PLEKHG2: variants seen among roughly 807,000 people sequenced by gnomAD.
PLEKHG2 encodes pleckstrin homology domain-containing family G member 2.
Under a neutral mutation model 104.4 loss-of-function variants are expected in PLEKHG2, and 71 were observed. That is an observed-to-expected ratio of 0.68 (90% CI 0.56 to 0.83). The LOEUF (loss-of-function observed/expected upper bound fraction) is 0.83, where lower values mean the gene tolerates loss of function less well. Ranked by LOEUF, PLEKHG2 falls within the 40% of genes least tolerant of loss-of-function variation. The probability of loss-of-function intolerance (pLI) is 0.00; values close to 1 mark genes in which losing one functional copy is unlikely to be tolerated. For synonymous variants in PLEKHG2, 728 were observed against 737.0 expected, an observed-to-expected ratio of 0.99 and a Z score of 0.20; for missense variants, 1,730 against 1,809.4, an observed-to-expected ratio of 0.96 and a Z score of 0.80.
chr19:39,416,612 C>T lies in PLEKHG2; in HGVS notation c.593+15C>T. ...AACTACCCGAGGTGAGGGGCAGGAG[C>T]CCCTGCTGGGCCTCAGGCTGTGCCC... is the stretch of plus-strand genomic sequence containing the variant. On this transcript the variant is annotated intron_variant, in intron 6 of 18. Coordinates refer to ENST00000425673, the MANE Select transcript of PLEKHG2 (RefSeq NM_022835.3). The surrounding 1 kb of genome is among the most constrained non-coding windows in gnomAD (Gnocchi z 4.5). The T allele has an allele frequency of 6.2e-7, 1 of 1,613,552 alleles. No homozygotes were observed. The highest frequency in any genetic ancestry group is 2.2e-5 in the East Asian group (1 of 44,878).
chr19:39,414,005 A>C (rs1242836326), intron 1 of PLEKHG2, 60 bp from the exon 2 acceptor site: 3 of 1,187,332 alleles, frequency 2.5e-6, no homozygotes, highest in Non-Finnish European at 3.6e-6. Context: ...CCCATCTGTG[A>C]GTCTGGGCGG....
chr19:39,423,535 G>A lies in PLEKHG2; in HGVS notation c.2481G>A (p.Arg827=). Reference sequence around the variant, plus strand: ...AGCTGGCCCGGCTTTACAGCGAGCGGATCCAGCAGATGCAGCGGGCGGAGA... The same window carrying A: ...AGCTGGCCCGGCTTTACAGCGAGCGAATCCAGCAGATGCAGCGGGCGGAGA... ...VRELARLYSE[R]IQQMQRAETR... is the part of the protein sequence containing the mutation. The change falls in exon 18 of 19, where the codon CGG becomes CGA. Residue 827 remains arginine (R), a synonymous_variant. Coordinates refer to ENST00000425673, the MANE Select transcript of PLEKHG2 (RefSeq NM_022835.3). The A allele has an allele frequency of 1.3e-6, 2 of 1,557,008 alleles. No individual in the cohort carries two copies. Among genetic ancestry groups the A allele is most frequent in the Non-Finnish European group, 1.7e-6 (2 of 1,150,364 alleles).
In PLEKHG2 at chr19:39,425,146, C is replaced by T. The variant is rs763465214; in HGVS notation, c.4013C>T (p.Thr1338Met). 4 of 1,591,020 alleles carry T rather than the reference C, an allele frequency of 2.5e-6. No individual in the cohort carries two copies. In the African/African-American group the frequency reaches 4.1e-5, roughly 16 times the overall value. The change falls in exon 19 of 19, where the codon ACG becomes ATG. Residue 1338 changes from threonine to methionine, a missense_variant. By Grantham distance (81) the Thr-to-Met change is moderately conservative (BLOSUM62 -1). Coordinates refer to ENST00000425673, the MANE Select transcript of PLEKHG2 (RefSeq NM_022835.3). ...GCCAGGCGGCTCAGCTATGCCACGA[C>T]GGTTAACATCCACGTGGGCGGGGGT... ...PPARRLSYAT[T>M]VNIHVGGGGR...
Position 39,414,160 on chromosome 19 carries a change from T to A in PLEKHG2, c.74T>A (p.Val25Glu). ...CTCGGGTGTGGCCGAAGAGGTGAAG[T>A]GTGTGACTGTGGCACCGTGTGTGAG... ...PSLGCGRRGE[V>E]CDCGTVCETR... Residue 25 changes from valine (V) to glutamate (E), a missense_variant, in exon 2 of 19, where the codon GTG (valine) becomes GAG (glutamate). Physicochemically the swap from Val to Glu is moderately radical, Grantham distance 121 (BLOSUM62 -2). Transcript: ENST00000425673. 1.3e-6 allele frequency: 2 copies of A among 1,551,378 alleles called. No individual in the cohort carries two copies. Among genetic ancestry groups the A allele is most frequent in the Non-Finnish European group, 1.7e-6 (2 of 1,146,798 alleles).
chr19:39,415,568 G>C lies in PLEKHG2; in HGVS notation c.479+129G>C. The C allele has an allele frequency of 1.8e-6, 2 of 1,087,226 alleles. No individual in the cohort carries two copies. The highest frequency in any genetic ancestry group is 2.7e-6 in the Non-Finnish European group (2 of 753,982). The allele number at this position is 1,087,226 out of a possible 1,614,324, so 67.3% of individuals were successfully genotyped here. On this transcript the variant is annotated intron_variant, in intron 4 of 18. Transcript: ENST00000425673. This position sits in a 1 kb window ranked among gnomAD's most constrained non-coding sequence, Gnocchi z 4.6. ...GGGTTGTGACATTGGGCAAGGATCA[G>C]GGATCACGACTGGGAGGGAGGACCC...
Position 39,425,595 on chromosome 19 carries a change from GC to G in PLEKHG2, c.*302del. 2.3e-6 allele frequency: 1 copy of G among 426,388 alleles called. No individual in the cohort carries two copies. Among genetic ancestry groups the G allele is most frequent in the Non-Finnish European group, 4.0e-6 (1 of 247,920 alleles). 26.4% of individuals were successfully genotyped at this position (426,388 alleles called of 1,614,324 possible). On this transcript the variant is annotated 3_prime_UTR_variant, in exon 19 of 19. Coordinates refer to ENST00000425673, the MANE Select transcript of PLEKHG2 (RefSeq NM_022835.3). ...GGAAGGTCTGACACAGAACAAATCA[GC>G]GGTTCTGAAAGCTTGGGGAATCTCA...
Position 39,418,018 on chromosome 19 carries a change from G to T in PLEKHG2, c.996G>T (p.Gly332=). 6.4e-7 allele frequency: 1 copy of T among 1,562,712 alleles called. No homozygotes were observed. The change falls in exon 9 of 19, where the codon GGG becomes GGT. Residue 332 remains glycine, a synonymous_variant. Transcript: ENST00000425673. ...GAGGGGGTGGCCCCCGGCTACGAGG[G>T]GGTGAGCGGCTGCTCTTCCTGTTCT... ...GGGGGGPRLR[G]GERLLFLFSR...
chr19:39,423,226 G>A lies in PLEKHG2; in HGVS notation c.2172G>A (p.Pro724=), dbSNP rs372472180. 26 of 1,613,144 alleles carry A rather than the reference G, an allele frequency of 1.6e-5. No homozygotes were observed. Among genetic ancestry groups the A allele is most frequent in the Admixed American group, 5.0e-5 (3 of 59,968 alleles). ...SGSNPGKLGE[P]PSGGKAGPEE... Reference sequence around the variant, plus strand: ...GCAATCCTGGGAAACTGGGAGAGCCGCCTTCAGGAGGCAAGGCAGGGCCAG... The same window carrying A: ...GCAATCCTGGGAAACTGGGAGAGCCACCTTCAGGAGGCAAGGCAGGGCCAG... Residue 724 remains proline, a synonymous_variant, in exon 18 of 19, where the codon CCG becomes CCA. Coordinates refer to ENST00000425673, the MANE Select transcript of PLEKHG2 (RefSeq NM_022835.3).
intron 17 of PLEKHG2, 131 bp downstream of exon 17, chr19:39,422,419 C>T (rs1004276250): frequency 1.2e-5 from 13 of 1,108,888 alleles, no homozygotes; most frequent in African/African-American, 3.3e-5. Flanking sequence ...GCTCTGTTGC[C>T]GAGGCTGGAG....
At chr19:39,421,048 C>T (rs770051077) in intron 14 of PLEKHG2, 27 bp from the exon 15 acceptor site, 26 of 1,614,086 alleles carry the variant, frequency 1.6e-5, no homozygotes, top group Non-Finnish European at 2.2e-5. Flanking sequence ...GAGCTGGGCT[C>T]CTGACATCAC....
chr19:39,418,702 T>C (rs2078648806), intron 9 of PLEKHG2, 32 bp from the exon 10 acceptor site: 4 of 1,578,490 alleles, frequency 2.5e-6, no homozygotes, highest in Admixed American at 3.4e-5. Flanking sequence ...GCCCAAGGAC[T>C]CTGAGCTTGC....
chr19:39,422,683 C>G lies in PLEKHG2; in HGVS notation c.1678-49C>G, dbSNP rs753062726. ...GGATTACAGGCGTGAGCCACCACAC[C>G]CAGCTACCATGCTGATATGTTTGGC... On this transcript the variant is annotated intron_variant, in intron 17 of 18. Coordinates refer to ENST00000425673, the MANE Select transcript of PLEKHG2 (RefSeq NM_022835.3). The G allele has an allele frequency of 8.0e-6, 12 of 1,496,994 alleles. No individual in the cohort carries two copies. In the East Asian group the frequency reaches 2.6e-4, roughly 32 times the overall value. 92.7% of individuals were successfully genotyped at this position (1,496,994 alleles called of 1,614,324 possible).
At position 39,424,353 on chromosome 19, in the gene PLEKHG2, C is replaced by A. The variant is rs771850174; in HGVS notation, c.3220C>A (p.Pro1074Thr). ...GGGCCCAGACCCTGTCTGCAGTCAA[C>A]CCATCCAGCCTTTGTCTTGGCATGG... The part of the protein sequence containing the change: ...VQGPDPVCSQ[P>T]IQPLSWHGSS... The change falls in exon 19 of 19, where the codon CCC (proline) becomes ACC (threonine). Residue 1074 changes from proline (P) to threonine (T), a missense_variant. Pro to Thr is a conservative substitution (Grantham distance 38, BLOSUM62 -1). Transcript: ENST00000425673. 3.7e-6 allele frequency: 6 copies of A among 1,614,058 alleles called. No individual in the cohort carries two copies. In the African/African-American group the frequency reaches 8.0e-5, roughly 22 times the overall value.
rs777435895 is a variant in PLEKHG2 at position 39,414,951 on chromosome 19, A to G, written c.110-41A>G. On this transcript the variant is annotated intron_variant, in intron 2 of 18. Coordinates refer to ENST00000425673, the MANE Select transcript of PLEKHG2 (RefSeq NM_022835.3). ...CATGAAAGGCTGTGGAAGTCCGTGC[A>G]TGGGGAGATTTCTCTGACCTCCTGT... is the stretch of plus-strand genomic sequence containing the variant. 15 of 1,539,898 alleles carry G rather than the reference A, an allele frequency of 9.7e-6. No homozygotes were observed. In the Admixed American group the frequency reaches 2.7e-4, roughly 28 times the overall value.
chr19:39,417,611 G>A lies in PLEKHG2; in HGVS notation c.801G>A (p.Glu267=). 1 of 1,614,156 alleles carries A rather than the reference G, an allele frequency of 6.2e-7. No individual in the cohort carries two copies. Among genetic ancestry groups the A allele is most frequent in the Non-Finnish European group, 8.5e-7 (1 of 1,180,036 alleles). ...GCACTGGGGGTCGCGAGATGGTGGAGGAAGCTATTGTGTCCATGACAGCGG... is the reference window on the plus strand; with the variant it reads ...GCACTGGGGGTCGCGAGATGGTGGAAGAAGCTATTGTGTCCATGACAGCGG... The part of the protein sequence containing the change: ...GPGTGGREMV[E]EAIVSMTAVA... The change falls in exon 8 of 19, where the codon GAG becomes GAA. Residue 267 remains glutamate, a synonymous_variant. Coordinates refer to ENST00000425673, the MANE Select transcript of PLEKHG2 (RefSeq NM_022835.3).
chr19:39,420,684 G>C, intron 12 of PLEKHG2, 25 bp downstream of exon 12: 1 of 1,614,184 alleles, frequency 6.2e-7, no homozygotes, highest in Non-Finnish European at 8.5e-7. Context: ...TGGGCTGGGA[G>C]GGTGTGGAAG....
At chr19:39,417,045 G>T in intron 7 of PLEKHG2, 45 bp downstream of exon 7, 11 of 1,548,830 alleles carry the variant, frequency 7.1e-6, no homozygotes, top group Non-Finnish European at 9.6e-6. Flanking sequence ...GGGAGGTCCT[G>T]TCCCTTGACC....
rs1381201541 is a variant in PLEKHG2, at chr19:39,419,537, T to C, written c.1263+534T>C. The stretch of plus-strand genomic sequence containing the variant: ...CGGGCGGATCACCTGAGGTCAGGAG[T>C]TCAAGAGCAGCCTGACCGACATGGA... On this transcript the variant is annotated intron_variant, in intron 11 of 18. Transcript: ENST00000425673. Among the ~76,000 whole-genome samples the C allele has an allele frequency of 6.2e-5, 9 of 145,174 alleles. No homozygotes were observed. The East Asian group carries it at 1.4e-3, about 23-fold the overall frequency.
At position 39,416,486 on chromosome 19, in the gene PLEKHG2, A is replaced by G; in HGVS notation, c.547-65A>G. 23 of 1,598,282 alleles carry G rather than the reference A, an allele frequency of 1.4e-5. No homozygotes were observed. Among genetic ancestry groups the G allele is most frequent in the Non-Finnish European group, 2.0e-5 (23 of 1,167,246 alleles). On this transcript the variant is annotated intron_variant, in intron 5 of 18. Coordinates refer to ENST00000425673, the MANE Select transcript of PLEKHG2 (RefSeq NM_022835.3). This position sits in a 1 kb window ranked among gnomAD's most constrained non-coding sequence, Gnocchi z 4.5. ...AGAGGGGGGAGAGCAGGCTTGGGCTAGGCTGGAAGGGGGGTCGTGGGAAGC... is the reference window on the plus strand; with the variant it reads ...AGAGGGGGGAGAGCAGGCTTGGGCTGGGCTGGAAGGGGGGTCGTGGGAAGC...
Sources: allele counts gnomAD v4.1 joint callset (sites outside exome capture counted in the v4.1 genomes callset), GRCh38; gene constraint gnomAD v4.1.1; non-coding constraint Gnocchi (gnomAD v3.1); transcripts MANE v1.5; gene names NCBI Gene and HGNC (gene_info 2026-07-23, HGNC 2026-07-21).